Variants in DLGAP2 observed in about 807,000 individuals in gnomAD.
DLGAP2 encodes DLG associated protein 2.
A neutral mutation model predicts 100.3 loss-of-function variants in DLGAP2; 26 were observed. That is an observed-to-expected ratio of 0.26 (90% confidence interval 0.19 to 0.36). The LOEUF is 0.36. DLGAP2 is among the 10% of genes least tolerant of loss of function. DLGAP2 has a pLI of 1.00. For missense variants in DLGAP2, 1,858 were observed against 1,453.2 expected, an observed-to-expected ratio of 1.28 and a Z score of -4.53; for synonymous variants, 886 against 630.1, an observed-to-expected ratio of 1.41 and a Z score of -6.08.
intron 1 of DLGAP2, among the ~76,000 whole-genome samples, chr8:806,476 A>G (rs1796272598): frequency 6.6e-6 from 1 of 152,176 alleles, no homozygotes; most frequent in Non-Finnish European, 1.5e-5. Flanking sequence ...CCTGGGAAGT[A>G]TGGAGAGGTA....
chr8:1,132,373 G>C lies in DLGAP2; in HGVS notation c.74-126478G>C, dbSNP rs375214140. On this transcript the variant is annotated intron_variant, in intron 2 of 14. Transcript: ENST00000637795. Reference sequence around the variant, plus strand: ...GGTTAGTGAGGGACTAGCAAAACCAGCTGGTAGGTACAAATTTCTGTAATA... The same window carrying C: ...GGTTAGTGAGGGACTAGCAAAACCACCTGGTAGGTACAAATTTCTGTAATA... Among the ~76,000 whole-genome samples, 36 of 152,292 alleles carry C rather than the reference G, an allele frequency of 2.4e-4. No homozygotes were observed. The East Asian group carries it at 6.6e-3, about 28-fold the overall frequency.
chr8:1,564,323 C>T (rs73671214), intron 5 of DLGAP2, among the ~76,000 whole-genome samples: 1,576 of 152,260 alleles, frequency 0.01, 24 homozygotes, highest in African/African-American at 0.036. Context: ...TGTTGGGTTT[C>T]CAGTTTCACA....
intron 4 of DLGAP2, among the ~76,000 whole-genome samples, chr8:1,513,135 G>A (rs13438858): frequency 0.077 from 3,931 of 50,912 alleles, 133 homozygotes; most frequent in South Asian, 0.21. Flanking sequence ...AGGGAGGCTC[G>A]GTGGGATAAG....
At position 1,702,903 on chromosome 8, in the gene DLGAP2, A is replaced by ACCATGT. The variant is rs1799612227; in HGVS notation, c.*1498_*1503dup. On this transcript the variant is annotated 3_prime_UTR_variant, in exon 15 of 15. Coordinates refer to ENST00000637795, the MANE Select transcript of DLGAP2 (RefSeq NM_001346810.2). ...GGTCTTCCTTCCCGGCTTAAGGAGT[A>ACCATGT]CCATGTACTTAGCCACAGGCAGAAT... 1 of 152,688 alleles carries ACCATGT rather than the reference A, an allele frequency of 6.5e-6. No individual in the cohort carries two copies. Among genetic ancestry groups the ACCATGT allele is most frequent in the Non-Finnish European group, 1.5e-5 (1 of 68,060 alleles). The allele number at this position is 152,688 out of a possible 1,614,324, so 9.5% of individuals were successfully genotyped here.
intron 6 of DLGAP2, among the ~76,000 whole-genome samples, chr8:1,594,184 A>C (rs953409502): frequency 6.6e-6 from 1 of 152,214 alleles, no homozygotes; most frequent in Non-Finnish European, 1.5e-5. Context: ...AGACTGAGAA[A>C]GGCACCAGTG....
At chr8:1,088,301 G>T (rs796927409) in intron 2 of DLGAP2, among the ~76,000 whole-genome samples, 1 of 152,192 alleles carries the variant, frequency 6.6e-6, no homozygotes, top group Non-Finnish European at 1.5e-5. Context: ...ATATCCGTCT[G>T]TCTGTGGCGG....
At chr8:1,129,411 A>AG (rs1796240244) in intron 2 of DLGAP2, among the ~76,000 whole-genome samples, 7 of 152,130 alleles carry the variant, frequency 4.6e-5, no homozygotes, top group Admixed American at 3.9e-4. Flanking sequence ...CAAAAAAAAA[A>AG]AAAAAAATTT....
intron 1 of DLGAP2, among the ~76,000 whole-genome samples, chr8:877,553 A>G (rs948318788): frequency 1.3e-5 from 2 of 152,240 alleles, no homozygotes; most frequent in African/African-American, 4.8e-5. Context: ...TTGCTTCACA[A>G]ATAAATCTAA....
intron 2 of DLGAP2, among the ~76,000 whole-genome samples, chr8:1,073,544 T>C (rs1803499385): frequency 6.6e-6 from 1 of 152,320 alleles, no homozygotes; most frequent in Non-Finnish European, 1.5e-5. Flanking sequence ...GCATGCGTTC[T>C]CTTACTTTTC....
chr8:1,351,536 G>C (rs1451513279), intron 3 of DLGAP2, among the ~76,000 whole-genome samples: 1 of 73,460 alleles, frequency 1.4e-5, no homozygotes, highest in African/African-American at 4.0e-5. Context: ...AGGCCGTGTG[G>C]GTCCTGACTG....
At chr8:1,253,513 A>G (rs957417205) in intron 2 of DLGAP2, among the ~76,000 whole-genome samples, 1 of 152,258 alleles carries the variant, frequency 6.6e-6, no homozygotes. Flanking sequence ...AAAATGCTCT[A>G]TGAATTTACA....
intron 2 of DLGAP2, among the ~76,000 whole-genome samples, chr8:1,188,919 C>T (rs1797574042): frequency 6.6e-6 from 1 of 152,278 alleles, no homozygotes; most frequent in Admixed American, 6.5e-5. Flanking sequence ...CACAGGTTGC[C>T]TTGTGGTGCG....
intron 2 of DLGAP2, among the ~76,000 whole-genome samples, chr8:1,091,889 C>G (rs975393581): frequency 1.3e-5 from 2 of 152,028 alleles, no homozygotes; most frequent in African/African-American, 4.8e-5. Context: ...TTTTCCTCTT[C>G]TCTAACGCAC....
chr8:993,869 C>T (rs1484072662), intron 2 of DLGAP2, among the ~76,000 whole-genome samples: 4 of 136,416 alleles, frequency 2.9e-5, no homozygotes, highest in East Asian at 2.6e-4. Context: ...TTTGATAATA[C>T]ACCAGTTAGC....
chr8:1,005,972 C>T (rs1453881029), intron 2 of DLGAP2, among the ~76,000 whole-genome samples: 2 of 152,030 alleles, frequency 1.3e-5, no homozygotes, highest in African/African-American at 2.4e-5. Flanking sequence ...GGGCAAATCA[C>T]GAGGTCAAGA....
At chr8:1,343,374 G>A (rs112879715) in intron 3 of DLGAP2, among the ~76,000 whole-genome samples, 9,441 of 152,166 alleles carry the variant, frequency 0.062, 642 homozygotes, top group African/African-American at 0.17. Context: ...ACGGCCAACC[G>A]GAGTTGCCCA....
At chr8:797,701 G>T (rs1433917384) in intron 1 of DLGAP2, among the ~76,000 whole-genome samples, 1 of 152,118 alleles carries the variant, frequency 6.6e-6, no homozygotes, top group East Asian at 1.9e-4. Context: ...GGCTCTCCGG[G>T]TCCTCATCAG....
intron 6 of DLGAP2, among the ~76,000 whole-genome samples, chr8:1,624,770 G>T (rs1797447080): frequency 6.6e-6 from 1 of 151,872 alleles, no homozygotes; most frequent in East Asian, 1.9e-4. Context: ...GAGTCGGCGG[G>T]CATCGATGTG....
At chr8:1,543,899 CT>C (rs1801446798) in intron 4 of DLGAP2, among the ~76,000 whole-genome samples, 1 of 150,288 alleles carries the variant, frequency 6.7e-6, no homozygotes, top group Non-Finnish European at 1.5e-5. Context: ...CTTTCACGTC[CT>C]TTTTTTCTTT....
Sources: allele counts gnomAD v4.1 joint callset (sites outside exome capture counted in the v4.1 genomes callset), GRCh38; gene constraint gnomAD v4.1.1; transcripts MANE v1.5; gene names NCBI Gene and HGNC (gene_info 2026-07-23, HGNC 2026-07-21).